Variants in VPS53 observed in about 807,000 individuals in gnomAD.
VPS53 encodes the protein VPS53 subunit of GARP complex, also known as vacuolar protein sorting-associated protein 53 homolog.
Under a neutral mutation model 107.0 loss-of-function variants are expected in VPS53, and 70 were observed. The observed-to-expected ratio is 0.65, with a 90% CI of 0.54 to 0.80. The LOEUF is 0.80. VPS53 is among the 30% of genes least tolerant of loss of function. The probability of loss-of-function intolerance (pLI) is 0.00; values close to 1 mark genes in which losing one functional copy is unlikely to be tolerated. For missense variants in VPS53, 917 were observed against 1,049.4 expected (o/e 0.87, Z 1.74); for synonymous variants, 409 against 393.3 (o/e 1.04, Z -0.47).
At chr17:706,854 G>C (rs6598823) in intron 2 of VPS53, among the ~76,000 whole-genome samples, 28,230 of 151,924 alleles carry the variant, frequency 0.19, 3,058 homozygotes, top group African/African-American at 0.3. Flanking sequence ...TTTTCTCCAG[G>C]TCTCACCATC....
intron 4 of VPS53, among the ~76,000 whole-genome samples, chr17:662,463 G>A (rs1265513342): frequency 6.6e-6 from 1 of 152,034 alleles, no homozygotes; most frequent in Non-Finnish European, 1.5e-5. Context: ...GCCAAGGCGG[G>A]CAGATCACGA....
chr17:587,972 C>A (rs1967412901), intron 12 of VPS53, among the ~76,000 whole-genome samples: 3 of 152,182 alleles, frequency 2.0e-5, no homozygotes, highest in Admixed American at 2.0e-4. Flanking sequence ...AGTGTATCCA[C>A]CACCTCCCCA....
intron 5 of VPS53, 148 bp downstream of exon 5, chr17:661,661 G>A (rs1221334589): frequency 2.8e-5 from 19 of 676,586 alleles, no homozygotes; most frequent in Middle Eastern, 3.8e-4. Flanking sequence ...TGATCTGAAC[G>A]CATTCATAGG....
Position 657,473 on chromosome 17 carries a change from A to G in VPS53, c.373-1520T>C, listed in dbSNP as rs942997176. The stretch of plus-strand genomic sequence containing the variant: ...TGGTGGACGGACGAGGAGCAAACAC[A>G]CCGGTCAATTTATCCAGCATCCAAT... On this transcript the variant is annotated intron_variant, in intron 5 of 21. Coordinates refer to ENST00000437048, the MANE Select transcript of VPS53 (RefSeq NM_001128159.3). 1.1e-5 allele frequency: 15 copies of G among 1,426,450 alleles called. No individual in the cohort carries two copies. In the African/African-American group the frequency reaches 2.1e-4, roughly 20 times the overall value. 88.4% of individuals were successfully genotyped at this position (1,426,450 alleles called of 1,614,324 possible). A position where few individuals can be genotyped will look rare whatever the true frequency, so the allele number is the denominator to read the frequency against.
intron 11 of VPS53, among the ~76,000 whole-genome samples, chr17:614,531 A>C (rs1969046492): frequency 6.6e-6 from 1 of 152,214 alleles, no homozygotes; most frequent in South Asian, 2.1e-4. Context: ...CTTTAGCACC[A>C]GTAAAGCATC....
chr17:664,476 G>C (rs1408793791), intron 4 of VPS53, among the ~76,000 whole-genome samples: 1 of 152,182 alleles, frequency 6.6e-6, no homozygotes, highest in Admixed American at 6.5e-5. Flanking sequence ...CAGACAGTAG[G>C]TGGTAGTGCA....
chr17:557,772 GAACTTCTAA>G (rs1912565300), intron 15 of VPS53, among the ~76,000 whole-genome samples: 1 of 151,222 alleles, frequency 6.6e-6, no homozygotes, highest in South Asian at 2.1e-4. Flanking sequence ...CTTATTTCTA[GAACTTCTAA>G]GAGTCTGTTC....
In VPS53 at chr17:635,913, G is replaced by GT. The variant is rs1230880097; in HGVS notation, c.609-4286dup. Reference sequence around the variant, plus strand: ...TTGGTTCCATATGAACTTTAAAGTAGTTTTTTCCAATTCTGTGAAGAAAGT... The same window carrying GT: ...TTGGTTCCATATGAACTTTAAAGTAGTTTTTTTCCAATTCTGTGAAGAAAGT... On this transcript the variant is annotated intron_variant, in intron 7 of 21. Transcript: ENST00000437048. Among the ~76,000 whole-genome samples, 11 of 152,316 alleles carry GT rather than the reference G, an allele frequency of 7.2e-5. No homozygotes were observed. In the East Asian group the frequency reaches 1.9e-3, roughly 27 times the overall value.
chr17:601,275 G>T (rs1968312485), intron 12 of VPS53, among the ~76,000 whole-genome samples: 2 of 152,182 alleles, frequency 1.3e-5, no homozygotes, highest in Non-Finnish European at 2.9e-5. Context: ...AAATCCAAAG[G>T]AAATTAAAGT....
chr17:610,127 TCACACACACACACACACACA>T lies in VPS53; in HGVS notation c.1117-8251_1117-8232del, dbSNP rs200106767. On this transcript the variant is annotated intron_variant, in intron 11 of 21. Coordinates refer to ENST00000437048, the MANE Select transcript of VPS53 (RefSeq NM_001128159.3). ...GCCTGGGCGACAGAGTGAGACTCCG[TCACACACACACACACACACA>T]CACACACACACACACACACACACAC... Among the ~76,000 whole-genome samples, 1,131 of 134,600 alleles carry T rather than the reference TCACACACACACACACACACA, an allele frequency of 8.4e-3. 16 individuals carry two copies. Among genetic ancestry groups the T allele is most frequent in the African/African-American group, 0.028 (972 of 34,512 alleles). The allele number at this position is 134,600 out of a possible 152,430, so 88.3% of individuals were successfully genotyped here. A position where few individuals can be genotyped will look rare whatever the true frequency, so the allele number is the denominator to read the frequency against.
In VPS53 at chr17:706,614, C is replaced by T. The variant is rs561255738; in HGVS notation, c.168+3919G>A. 7.2e-4 allele frequency among the ~76,000 whole-genome samples: 110 copies of T among 152,022 alleles called. 2 individuals carry two copies. The South Asian group carries it at 0.016, about 22-fold the overall frequency. Reference sequence around the variant, plus strand: ...CTATAATCTGTTACTGTGAGATTAACTATCAAGATAGACTATGAAGTCTGT... The same window carrying T: ...CTATAATCTGTTACTGTGAGATTAATTATCAAGATAGACTATGAAGTCTGT... On this transcript the variant is annotated intron_variant, in intron 2 of 21. Transcript: ENST00000437048.
chr17:620,582 A>G (rs1969427129), intron 11 of VPS53, among the ~76,000 whole-genome samples: 1 of 152,188 alleles, frequency 6.6e-6, no homozygotes, highest in South Asian at 2.1e-4. Context: ...GATGAAGCAC[A>G]GTGACTGACT....
intron 6 of VPS53, among the ~76,000 whole-genome samples, chr17:655,043 C>T (rs186179798): frequency 4.3e-4 from 65 of 152,288 alleles, no homozygotes; most frequent in African/African-American, 1.4e-3. Context: ...CCTCAAGGCA[C>T]TCTCCCACTT....
chr17:624,128 G>C (rs976043017), intron 10 of VPS53, among the ~76,000 whole-genome samples: 4 of 152,042 alleles, frequency 2.6e-5, no homozygotes, highest in African/African-American at 9.7e-5. Context: ...AAAGTGCTGG[G>C]ATTATAGGTG....
At chr17:585,594 A>T (rs1232810369) in intron 13 of VPS53, among the ~76,000 whole-genome samples, 2 of 152,162 alleles carry the variant, frequency 1.3e-5, no homozygotes, top group Admixed American at 6.5e-5. Context: ...GTAAGTCATA[A>T]TCTCACCACT....
intron 4 of VPS53, among the ~76,000 whole-genome samples, chr17:681,466 T>G (rs1972392804): frequency 6.6e-6 from 1 of 152,236 alleles, no homozygotes; most frequent in Non-Finnish European, 1.5e-5. Context: ...AGCGTGGCAC[T>G]GCTGGGGTGT....
At chr17:583,136 G>T (rs1967133067) in intron 13 of VPS53, among the ~76,000 whole-genome samples, 1 of 149,774 alleles carries the variant, frequency 6.7e-6, no homozygotes, top group South Asian at 2.1e-4. Flanking sequence ...TGCGTTCCCA[G>T]AGAATCTCCC....
At chr17:647,269 A>G (rs1483879350) in intron 7 of VPS53, among the ~76,000 whole-genome samples, 1 of 152,170 alleles carries the variant, frequency 6.6e-6, no homozygotes, top group Non-Finnish European at 1.5e-5. Flanking sequence ...TATGCCTTGT[A>G]CAGCATATAC....
intron 19 of VPS53, among the ~76,000 whole-genome samples, chr17:527,099 T>C (rs775385941): frequency 4.6e-5 from 7 of 152,222 alleles, no homozygotes; most frequent in Non-Finnish European, 8.8e-5. Flanking sequence ...CGTATGCCAT[T>C]TGATCAACAT....
Sources: allele counts gnomAD v4.1 joint callset (sites outside exome capture counted in the v4.1 genomes callset), GRCh38; gene constraint gnomAD v4.1.1; transcripts MANE v1.5; gene names NCBI Gene and HGNC (gene_info 2026-07-23, HGNC 2026-07-21).